Variants in SLC35F5 observed in about 807,000 individuals in gnomAD.
SLC35F5 encodes the protein HCV NS5A-transactivated protein 3.
A neutral mutation model predicts 68.6 loss-of-function variants in SLC35F5; 54 were observed. The ratio of observed to expected loss-of-function variants is 0.79; its 90% CI spans 0.63 to 0.99. SLC35F5 has a LOEUF of 0.99. Ranked by LOEUF, SLC35F5 falls within the 50% of genes least tolerant of loss-of-function variation. The probability of loss-of-function intolerance (pLI) is 0.00; values close to 1 mark genes in which losing one functional copy is unlikely to be tolerated. For missense variants in SLC35F5, 567 were observed against 626.9 expected, an observed-to-expected ratio of 0.90 and a Z score of 1.02; for synonymous variants, 211 against 205.2, an observed-to-expected ratio of 1.03 and a Z score of -0.24.
rs571228467 is a variant in SLC35F5, at chr2:113,718,536, T to A, written c.1496+618A>T. Among the ~76,000 whole-genome samples the A allele has an allele frequency of 2.6e-5, 4 of 152,322 alleles. No homozygotes were observed. In the South Asian group the frequency reaches 8.3e-4, roughly 32 times the overall value. ...ACCTTTTGGTATTACCTGTGAATCA[T>A]ATTTTTTTTAAAAAAATGTAGTTAC... On this transcript the variant is annotated intron_variant, in intron 14 of 15. Coordinates refer to ENST00000245680, the MANE Select transcript of SLC35F5 (RefSeq NM_025181.5).
At chr2:113,755,752 C>A (rs13402898) in intron 1 of SLC35F5, 2 of 1,022,406 alleles carry the variant, frequency 2.0e-6, no homozygotes, top group African/African-American at 3.2e-5. Flanking sequence ...CGATACGGGG[C>A]GGGCAGGGAG....
At chr2:113,744,254 G>A (rs1164549586) in intron 5 of SLC35F5, among the ~76,000 whole-genome samples, 7 of 152,110 alleles carry the variant, frequency 4.6e-5, no homozygotes, top group Non-Finnish European at 7.4e-5. Flanking sequence ...AGGCAAGGCA[G>A]ATAACAAACT....
downstream of SLC35F5, chr2:113,705,563 A>AT (rs1212980850): frequency 6.6e-6 from 1 of 151,944 alleles, no homozygotes; most frequent in African/African-American, 2.4e-5. Context: ...AAAAAAAAAA[A>AT]TGCTGTGATT....
At position 113,742,842 on chromosome 2, in the gene SLC35F5, CATG is replaced by C. The variant is rs1170226413; in HGVS notation, c.597_599del (p.Ile199del). On this transcript the variant is annotated inframe_deletion, in exon 7 of 16. Coordinates refer to ENST00000245680, the MANE Select transcript of SLC35F5 (RefSeq NM_025181.5). Reference sequence around the variant, plus strand: ...GACTTGACGGAAGCTGTCGAATCTCCATGATATTACTGAACCTCACACGAGACT... The same window carrying C: ...GACTTGACGGAAGCTGTCGAATCTCCATATTACTGAACCTCACACGAGACT... 2 of 1,614,070 alleles carry C rather than the reference CATG, an allele frequency of 1.2e-6. No homozygotes were observed. The highest frequency in any genetic ancestry group is 1.7e-6 in the Non-Finnish European group (2 of 1,179,974).
Position 113,742,781 on chromosome 2 carries a change from G to A in SLC35F5, c.661C>T (p.Pro221Ser). 1.2e-6 allele frequency: 2 copies of A among 1,614,082 alleles called. No individual in the cohort carries two copies. The highest frequency in any genetic ancestry group is 1.7e-6 in the Non-Finnish European group (2 of 1,179,982). The change falls in exon 7 of 16, where the codon CCT (proline) becomes TCT (serine). Residue 221 changes from proline to serine, a missense_variant. By Grantham distance (74) the Pro-to-Ser change is moderately conservative. Transcript: ENST00000245680. Reference sequence around the variant, plus strand: ...AGTATGGATTCTTGTTCTTTCACAGGATATGACATGCGAGACAACTTTGCT... The same window carrying A: ...AGTATGGATTCTTGTTCTTTCACAGAATATGACATGCGAGACAACTTTGCT... The part of the protein sequence containing the change: ...LEAKLSRMSY[P>S]VKEQESILKT...
intron 3 of SLC35F5, 59 bp downstream of exon 3, chr2:113,755,106 G>A: frequency 1.3e-6 from 2 of 1,550,208 alleles, no homozygotes; most frequent in Non-Finnish European, 1.8e-6. Flanking sequence ...AGTTACTACA[G>A]GTTAAGAGTT....
intron 8 of SLC35F5, 72 bp from the exon 9 acceptor site, chr2:113,734,745 T>C: frequency 4.5e-6 from 4 of 894,786 alleles, no homozygotes; most frequent in Non-Finnish European, 7.0e-6. Flanking sequence ...ACCAACTTCA[T>C]TGTTTAAATA....
chr2:113,728,785 T>C (rs562912365), intron 11 of SLC35F5, among the ~76,000 whole-genome samples: 2 of 152,376 alleles, frequency 1.3e-5, no homozygotes, highest in African/African-American at 4.8e-5. Context: ...TGTCAATGTG[T>C]TCTTCTCCAG....
In SLC35F5 at chr2:113,751,581, G is replaced by A. The variant is rs145031036; in HGVS notation, c.274-1013C>T. 2.1e-3 allele frequency among the ~76,000 whole-genome samples: 326 copies of A among 152,122 alleles called. 6 individuals carry two copies. The East Asian group carries it at 0.04, about 19-fold the overall frequency. ...TCCCAGCACTTTGGGAGGCCGAGGC[G>A]GGTGGATCACTTGAAGTCAGGAGTT... On this transcript the variant is annotated intron_variant, in intron 3 of 15. Transcript: ENST00000245680.
chr2:113,719,298 G>A lies in SLC35F5; in HGVS notation c.1352C>T (p.Ser451Phe), dbSNP rs2104975010. ...GATAGCTCCTGCAAAAAATAACCAAGAAAACTGCACCTAAAAATAAAAGAT... is the reference window on the plus strand; with the variant it reads ...GATAGCTCCTGCAAAAAATAACCAAAAAAACTGCACCTAAAAATAAAAGAT... ...ADMCMQKVQF[S>F]WLFFAGAIPV... Residue 451 changes from serine (S) to phenylalanine (F), a missense_variant, in exon 14 of 16, where the codon TCT (serine) becomes TTT (phenylalanine). Ser to Phe is a radical substitution (Grantham distance 155). Transcript: ENST00000245680. 2.6e-6 allele frequency: 4 copies of A among 1,532,190 alleles called. No individual in the cohort carries two copies. The highest frequency in any genetic ancestry group is 1.4e-5 in the African/African-American group (1 of 70,838). The allele number at this position is 1,532,190 out of a possible 1,614,324, so 94.9% of individuals were successfully genotyped here.
chr2:113,733,361 T>A (rs1026580747), intron 9 of SLC35F5: 1 of 361,494 alleles, frequency 2.8e-6, no homozygotes, highest in African/African-American at 2.2e-5. Context: ...GTCAAAATAC[T>A]TACAAGTTCA....
In SLC35F5 at chr2:113,723,180, G is replaced by T; in HGVS notation, c.1265C>A (p.Thr422Asn). 4 of 1,582,392 alleles carry T rather than the reference G, an allele frequency of 2.5e-6. No homozygotes were observed. Among genetic ancestry groups the T allele is most frequent in the Middle Eastern group, 3.5e-4 (2 of 5,718 alleles). Reference protein sequence around the residue: ...EFLWLWGCFLTSSLIGTLALS... With the variant: ...EFLWLWGCFLNSSLIGTLALS... ...TGCAAGTGTGCCTATCAATGATGAG[G>T]TAAGAAAGCAGCCCCTAAAAAAAAG... Residue 422 changes from threonine to asparagine, a missense_variant, in exon 13 of 16, where the codon ACC (threonine) becomes AAC (asparagine). Coordinates refer to ENST00000245680, the MANE Select transcript of SLC35F5 (RefSeq NM_025181.5).
chr2:113,754,237 C>T lies in SLC35F5; in HGVS notation c.273+928G>A, dbSNP rs150048697. Among the ~76,000 whole-genome samples the T allele has an allele frequency of 6.1e-3, 922 of 150,940 alleles. 16 individuals are homozygous for T. The highest frequency in any genetic ancestry group is 0.021 in the African/African-American group (877 of 40,980). Reference sequence around the variant, plus strand: ...CCCGGGAGGCGGAGGTTGCAGTGAGCCGAGATCGCACCATTGCACTCCAGC... The same window carrying T: ...CCCGGGAGGCGGAGGTTGCAGTGAGTCGAGATCGCACCATTGCACTCCAGC... On this transcript the variant is annotated intron_variant, in intron 3 of 15. Coordinates refer to ENST00000245680, the MANE Select transcript of SLC35F5 (RefSeq NM_025181.5).
chr2:113,723,506 AAC>A (rs1239918193), intron 12 of SLC35F5, among the ~76,000 whole-genome samples: 1 of 152,176 alleles, frequency 6.6e-6, no homozygotes, highest in Non-Finnish European at 1.5e-5. Context: ...AAAACTGTTG[AAC>A]AGTTATTACC....
intron 15 of SLC35F5, among the ~76,000 whole-genome samples, chr2:113,716,585 C>G (rs1177022612): frequency 1.3e-5 from 2 of 152,058 alleles, no homozygotes; most frequent in African/African-American, 4.8e-5. Context: ...CCTCGTTGAT[C>G]TTAGTGGGAA....
Position 113,723,097 on chromosome 2 carries a change from T to G in SLC35F5, c.1341+7A>C. Reference sequence around the variant, plus strand: ...AAATATCTATGAATAATAAATAGTTTCCTTACCTTTTGCATACACATGTCA... The same window carrying G: ...AAATATCTATGAATAATAAATAGTTGCCTTACCTTTTGCATACACATGTCA... On this transcript the variant is annotated splice_region_variant and intron_variant, in intron 13 of 15. Coordinates refer to ENST00000245680, the MANE Select transcript of SLC35F5 (RefSeq NM_025181.5). 1 of 1,531,528 alleles carries G rather than the reference T, an allele frequency of 6.5e-7. No homozygotes were observed. Among genetic ancestry groups the G allele is most frequent in the South Asian group, 1.3e-5 (1 of 74,618 alleles). The allele number at this position is 1,531,528 out of a possible 1,614,324, so 94.9% of individuals were successfully genotyped here.
chr2:113,706,879 T>C lies in SLC35F5; in HGVS notation c.*8339A>G, dbSNP rs896186274. Among the ~76,000 whole-genome samples the C allele has an allele frequency of 1.3e-5, 2 of 152,210 alleles. No homozygotes were observed. Among genetic ancestry groups the C allele is most frequent in the South Asian group, 4.1e-4 (2 of 4,830 alleles). On this transcript the variant is annotated 3_prime_UTR_variant, in exon 16 of 16. Transcript: ENST00000245680. ...ATGAAGCATTAAAAATCACAAATCT[T>C]ATATTTGGTTATCCACAGTCTATAA...
intron 6 of SLC35F5, 40 bp from the exon 7 acceptor site, chr2:113,742,919 C>G: frequency 6.4e-7 from 1 of 1,560,810 alleles, no homozygotes; most frequent in Non-Finnish European, 8.8e-7. Flanking sequence ...TTAAATAATT[C>G]CTCTCCAACA....
chr2:113,755,886 C>A, intron 1 of SLC35F5: 1 of 1,550,672 alleles, frequency 6.4e-7, no homozygotes, highest in Non-Finnish European at 8.7e-7. Context: ...TCCCTGGGGA[C>A]AGCGTCTAGA....
Sources: allele counts gnomAD v4.1 joint callset (sites outside exome capture counted in the v4.1 genomes callset), GRCh38; gene constraint gnomAD v4.1.1; transcripts MANE v1.5; gene names NCBI Gene and HGNC (gene_info 2026-07-23, HGNC 2026-07-21).